GALM: variants seen among roughly 807,000 people sequenced by gnomAD.
The protein encoded by GALM is aldose 1-epimerase.
In GALM, 43 loss-of-function variants were observed where a neutral mutation model predicts 37.4. The observed-to-expected ratio is 1.15, with a 90% CI of 0.90 to 1.48. GALM has a LOEUF of 1.48. GALM is among the 40% of genes most tolerant of loss of function. GALM has a pLI of 0.00. For missense variants in GALM, 456 were observed against 419.1 expected (o/e 1.09, Z -0.77); for synonymous variants, 199 against 170.6 (o/e 1.17, Z -1.30).
rs189657314 is a variant in GALM at position 38,722,804 on chromosome 2, G to A, written c.635-6752G>A. Among the ~76,000 whole-genome samples the A allele has an allele frequency of 3.6e-4, 55 of 152,268 alleles. No homozygotes were observed. The East Asian group carries it at 9.1e-3, about 25-fold the overall frequency. ...GTGAGAAAAATCAAGAGCAACTGTC[G>A]GGGTTGGGGGCGTAAGGGGCTGTGA... On this transcript the variant is annotated intron_variant, in intron 4 of 6. Coordinates refer to ENST00000272252, the MANE Select transcript of GALM (RefSeq NM_138801.3).
At chr2:38,672,435 A>G (rs1050685974) in intron 1 of GALM, among the ~76,000 whole-genome samples, 7 of 152,200 alleles carry the variant, frequency 4.6e-5, no homozygotes, top group Non-Finnish European at 8.8e-5. Flanking sequence ...ATTTTCAGAA[A>G]GAGAAGAAGG....
intron 3 of GALM, chr2:38,682,194 AC>A (rs1406514618): frequency 2.5e-5 from 10 of 397,314 alleles, no homozygotes; most frequent in Middle Eastern, 3.5e-4. Flanking sequence ...GCTGCTGACA[AC>A]CCCCCTTAAG....
At chr2:38,712,453 C>T (rs1458967763) in intron 4 of GALM, among the ~76,000 whole-genome samples, 1 of 152,166 alleles carries the variant, frequency 6.6e-6, no homozygotes, top group Non-Finnish European at 1.5e-5. Flanking sequence ...GCTTTCAGGT[C>T]TCCATTCCAG....
chr2:38,731,261 G>A (rs1486029938), intron 5 of GALM, among the ~76,000 whole-genome samples: 1 of 151,818 alleles, frequency 6.6e-6, no homozygotes, highest in African/African-American at 2.4e-5. Flanking sequence ...AGCTGGACAT[G>A]GTAGTGCGCA....
intron 2 of GALM, among the ~76,000 whole-genome samples, chr2:38,677,454 T>C (rs1665284989): frequency 6.6e-6 from 1 of 152,196 alleles, no homozygotes; most frequent in Non-Finnish European, 1.5e-5. Context: ...GATGGGATTC[T>C]TCATGCCAGG....
chr2:38,731,933 A>G lies in GALM; in HGVS notation c.951+24A>G, dbSNP rs780521354. On this transcript the variant is annotated intron_variant, in intron 6 of 6. Coordinates refer to ENST00000272252, the MANE Select transcript of GALM (RefSeq NM_138801.3). ...AGGTAATGCCACAGGCTGGCTTTTC[A>G]GAGTAGAGTTGTGTCCAAGGTCACA... 11 of 1,605,374 alleles carry G rather than the reference A, an allele frequency of 6.9e-6. No individual in the cohort carries two copies. The South Asian group carries it at 1.2e-4, about 18-fold the overall frequency.
chr2:38,676,875 C>G (rs961934614), intron 2 of GALM, among the ~76,000 whole-genome samples: 1 of 152,234 alleles, frequency 6.6e-6, no homozygotes. Flanking sequence ...GGTGTCCACC[C>G]AGGCTGCATG....
chr2:38,680,320 C>A (rs550127145), intron 2 of GALM, among the ~76,000 whole-genome samples: 2 of 152,086 alleles, frequency 1.3e-5, no homozygotes, highest in Non-Finnish European at 2.9e-5. Context: ...TTGCACCTGA[C>A]CACAAAAAAA....
intron 4 of GALM, among the ~76,000 whole-genome samples, chr2:38,694,927 G>T (rs1430715970): frequency 6.6e-6 from 1 of 151,192 alleles, no homozygotes; most frequent in Non-Finnish European, 1.5e-5. Context: ...AAAAGAAAGG[G>T]AAAGTCAAGG....
intron 4 of GALM, among the ~76,000 whole-genome samples, chr2:38,719,747 C>A (rs1666338753): frequency 7.0e-6 from 1 of 142,908 alleles, no homozygotes; most frequent in South Asian, 2.4e-4. Context: ...GCACTCCAGC[C>A]TGGTCGACAA....
At position 38,701,591 on chromosome 2, in the gene GALM, G is replaced by A. The variant is rs111512129; in HGVS notation, c.634+11697G>A. On this transcript the variant is annotated intron_variant, in intron 4 of 6. Coordinates refer to ENST00000272252, the MANE Select transcript of GALM (RefSeq NM_138801.3). Reference sequence around the variant, plus strand: ...AATTACATCAAAGCAACCCCATTTTGACAAAATTAGAATTCTGGTAGGAAA... The same window carrying A: ...AATTACATCAAAGCAACCCCATTTTAACAAAATTAGAATTCTGGTAGGAAA... 8.5e-3 allele frequency among the ~76,000 whole-genome samples: 1,300 copies of A among 152,194 alleles called. 74 individuals are homozygous for A. The East Asian group carries it at 0.17, about 20-fold the overall frequency.
At chr2:38,696,021 CTCT>C (rs1366137874) in intron 4 of GALM, among the ~76,000 whole-genome samples, 1 of 151,200 alleles carries the variant, frequency 6.6e-6, no homozygotes, top group Non-Finnish European at 1.5e-5. Context: ...TTTTAAATCT[CTCT>C]TCTTAGGGTC....
intron 4 of GALM, among the ~76,000 whole-genome samples, chr2:38,705,271 T>C (rs1243279158): frequency 6.6e-6 from 1 of 152,182 alleles, no homozygotes; most frequent in Non-Finnish European, 1.5e-5. Flanking sequence ...TTAGTGGGAC[T>C]GTGGGCCTTG....
intron 2 of GALM, among the ~76,000 whole-genome samples, chr2:38,679,192 G>T (rs182665787): frequency 1.5e-3 from 221 of 152,188 alleles, no homozygotes; most frequent in African/African-American, 4.9e-3. Context: ...TCACCATGTT[G>T]GCCAGGCTTG....
intron 1 of GALM, among the ~76,000 whole-genome samples, chr2:38,672,039 A>C (rs539761663): frequency 2.4e-4 from 37 of 152,118 alleles, no homozygotes; most frequent in East Asian, 9.6e-4. Flanking sequence ...GGAAAAAAAA[A>C]AACAACAAAA....
At chr2:38,709,434 C>G (rs768778348) in intron 4 of GALM, among the ~76,000 whole-genome samples, 1 of 152,202 alleles carries the variant, frequency 6.6e-6, no homozygotes, top group South Asian at 2.1e-4. Flanking sequence ...TGCCTTTTCA[C>G]CTGAAAACGA....
At chr2:38,717,614 G>C (rs1666295987) in intron 4 of GALM, among the ~76,000 whole-genome samples, 1 of 151,956 alleles carries the variant, frequency 6.6e-6, no homozygotes, top group African/African-American at 2.4e-5. Flanking sequence ...TGGCCAGGCT[G>C]GTCTCGAACT....
At chr2:38,704,131 A>G (rs909080699) in intron 4 of GALM, among the ~76,000 whole-genome samples, 2 of 151,784 alleles carry the variant, frequency 1.3e-5, no homozygotes, top group African/African-American at 4.8e-5. Flanking sequence ...GGGTTTTCTT[A>G]TCTTTTTTCC....
At chr2:38,716,244 T>C (rs1266596862) in intron 4 of GALM, among the ~76,000 whole-genome samples, 1 of 152,254 alleles carries the variant, frequency 6.6e-6, no homozygotes, top group East Asian at 1.9e-4. Context: ...AAGACCAGCT[T>C]CTGCGCCTTT....
Sources: allele counts gnomAD v4.1 joint callset (sites outside exome capture counted in the v4.1 genomes callset), GRCh38; gene constraint gnomAD v4.1.1; transcripts MANE v1.5; gene names NCBI Gene and HGNC (gene_info 2026-07-23, HGNC 2026-07-21).